The following DIAPH2 variants were observed in gnomAD, a reference collection of about 807,000 sequenced individuals.
DIAPH2 encodes the protein protein diaphanous homolog 2.
Under a neutral mutation model 92.7 loss-of-function variants are expected in DIAPH2, and 35 were observed. That is an observed-to-expected ratio of 0.38 (90% CI 0.29 to 0.50). The LOEUF is 0.50. Among genes scored for constraint, DIAPH2 ranks in the 20% least tolerant of loss-of-function variants. The pLI is 0.94. For missense variants in DIAPH2, 701 were observed against 819.5 expected (o/e 0.86, Z 1.77); for synonymous variants, 301 against 280.4 (o/e 1.07, Z -0.73).
intron 1 of DIAPH2, among the ~76,000 whole-genome samples, chrX:96,731,406 GA>G (rs1160842135): frequency 8.9e-6 from 1 of 111,886 alleles, no homozygotes; most frequent in Non-Finnish European, 1.9e-5. Context: ...TAAGAGAGAA[GA>G]AAATAGTCAA....
At chrX:96,832,018 G>A (rs1243760330) in intron 4 of DIAPH2, among the ~76,000 whole-genome samples, 1 of 111,532 alleles carries the variant, frequency 9.0e-6, no homozygotes, top group African/African-American at 3.3e-5. Flanking sequence ...CGATCCTACT[G>A]TGACCTTCTA....
chrX:97,575,343 G>A (rs1188954513), intron 26 of DIAPH2, among the ~76,000 whole-genome samples: 2 of 112,441 alleles, frequency 1.8e-5, no homozygotes, highest in Non-Finnish European at 3.8e-5. Context: ...GCATCACGTT[G>A]ATCTCTGCTT....
At chrX:97,529,641 G>GA (rs1357862748) in intron 26 of DIAPH2, among the ~76,000 whole-genome samples, 7 of 111,789 alleles carry the variant, frequency 6.3e-5, no homozygotes, top group Non-Finnish European at 1.3e-4. Context: ...GGCATATATA[G>GA]AAAAATCACC....
At chrX:96,791,613 C>A (rs1400792759) in intron 4 of DIAPH2, among the ~76,000 whole-genome samples, 4 of 107,261 alleles carry the variant, frequency 3.7e-5, no homozygotes, top group South Asian at 4.2e-4. Flanking sequence ...GAGGAAAAAA[C>A]CCCTATTTTT....
chrX:96,935,341 CAT>C (rs949515641), intron 10 of DIAPH2, among the ~76,000 whole-genome samples: 3 of 111,070 alleles, frequency 2.7e-5, no homozygotes, highest in Admixed American at 9.6e-5. Flanking sequence ...TAAAGATAAA[CAT>C]ATATATGTGT....
intron 17 of DIAPH2, among the ~76,000 whole-genome samples, chrX:96,983,937 A>G (rs1052306871): frequency 4.5e-5 from 5 of 112,131 alleles, no homozygotes; most frequent in African/African-American, 1.6e-4. Flanking sequence ...GAAAATTATT[A>G]CCAAGAACTA....
chrX:96,930,104 T>A (rs1028206695), intron 9 of DIAPH2, among the ~76,000 whole-genome samples: 20 of 111,239 alleles, frequency 1.8e-4, no homozygotes, highest in Non-Finnish European at 3.2e-4. Context: ...TGCTTTATTA[T>A]GAAATGTGCA....
At chrX:97,094,526 T>C (rs898435882) in intron 19 of DIAPH2, among the ~76,000 whole-genome samples, 8 of 112,222 alleles carry the variant, frequency 7.1e-5, no homozygotes, top group Non-Finnish European at 1.3e-4. Context: ...ATTGAAATGC[T>C]CCACCCCCAA....
intron 4 of DIAPH2, among the ~76,000 whole-genome samples, chrX:96,805,584 A>G (rs1229926073): frequency 9.0e-6 from 1 of 110,883 alleles, no homozygotes; most frequent in African/African-American, 3.3e-5. Flanking sequence ...AACTTAGTCC[A>G]CTCTGGGGAA....
intron 17 of DIAPH2, among the ~76,000 whole-genome samples, chrX:97,014,989 T>A (rs1326971424): frequency 8.9e-6 from 1 of 111,964 alleles, no homozygotes; most frequent in Non-Finnish European, 1.9e-5. Flanking sequence ...TATATCCAAC[T>A]TTTAGACCTA....
At chrX:97,168,308 G>A (rs1039750594) in intron 22 of DIAPH2, among the ~76,000 whole-genome samples, 1 of 109,263 alleles carries the variant, frequency 9.2e-6, no homozygotes, top group Non-Finnish European at 1.9e-5. Context: ...GGCTGGTCTC[G>A]AACTCCTGAC....
chrX:97,466,477 A>AG (rs2070513844), intron 26 of DIAPH2, among the ~76,000 whole-genome samples: 1 of 7,546 alleles, frequency 1.3e-4, no homozygotes, highest in Admixed American at 3.5e-3. Context: ...AGTATTAAAA[A>AG]ACAGAATTCT....
chrX:97,133,290 C>T (rs891479881), intron 21 of DIAPH2, among the ~76,000 whole-genome samples: 1 of 107,818 alleles, frequency 9.3e-6, no homozygotes, highest in Non-Finnish European at 1.9e-5. Flanking sequence ...TTTCTTTTTT[C>T]TTTTTTTTTT....
At chrX:96,787,431 A>G (rs751346050) in intron 4 of DIAPH2, among the ~76,000 whole-genome samples, 2 of 111,135 alleles carry the variant, frequency 1.8e-5, no homozygotes, top group Non-Finnish European at 3.8e-5. Context: ...AATTTAATGA[A>G]GTGATTAAAA....
At chrX:97,208,736 C>T (rs1233645640) in intron 22 of DIAPH2, among the ~76,000 whole-genome samples, 1 of 111,021 alleles carries the variant, frequency 9.0e-6, no homozygotes, top group Non-Finnish European at 1.9e-5. Context: ...TTCTGTTGGC[C>T]CAGAATTAAG....
At chrX:96,981,980 A>T (rs932257164) in intron 17 of DIAPH2, among the ~76,000 whole-genome samples, 1 of 111,812 alleles carries the variant, frequency 8.9e-6, no homozygotes, top group Non-Finnish European at 1.9e-5. Context: ...CATTTCTATT[A>T]ATTGGACCCA....
intron 22 of DIAPH2, among the ~76,000 whole-genome samples, chrX:97,143,321 TATTAA>T (rs1389694265): frequency 4.5e-5 from 5 of 110,903 alleles, no homozygotes; most frequent in African/African-American, 1.3e-4. Flanking sequence ...AAAGACCAGT[TATTAA>T]ATTAGCTCAT....
intron 22 of DIAPH2, among the ~76,000 whole-genome samples, chrX:97,211,079 G>A (rs1246446942): frequency 8.9e-6 from 1 of 111,756 alleles, no homozygotes; most frequent in Non-Finnish European, 1.9e-5. Flanking sequence ...AAGTAGATCA[G>A]CATAAAGAGT....
chrX:97,249,926 C>T (rs770605771), intron 23 of DIAPH2, among the ~76,000 whole-genome samples: 111 of 110,407 alleles, frequency 1.0e-3, no homozygotes, highest in African/African-American at 3.6e-3. Flanking sequence ...GGAGAAACCC[C>T]GTCTCTACTA....
Sources: gnomAD v4.1 joint callset for allele counts (sites outside exome capture counted in the v4.1 genomes callset) on GRCh38, gnomAD v4.1.1 for gene constraint, MANE v1.5 for transcripts, NCBI Gene and HGNC (gene_info 2026-07-23, HGNC 2026-07-21) for gene names.